SAMD5: variants seen among roughly 807,000 people sequenced by gnomAD.
SAMD5 encodes sterile alpha motif domain containing 5.
Under a neutral mutation model 11.3 loss-of-function variants are expected in SAMD5, and 13 were observed. That is an observed-to-expected ratio of 1.15 (90% CI 0.75 to 1.83). The LOEUF (loss-of-function observed/expected upper bound fraction) is 1.83. SAMD5 is among the 40% of genes most tolerant of loss of function. The probability of loss-of-function intolerance (pLI) is 0.00; values close to 1 mark genes in which losing one functional copy is unlikely to be tolerated. For missense variants in SAMD5, 255 were observed against 239.1 expected (o/e 1.07, Z -0.44); for synonymous variants, 129 against 111.3 (o/e 1.16, Z -1.00).
chr6:147,567,581 A>G lies in SAMD5; in HGVS notation c.*3125A>G, dbSNP rs972977238. On this transcript the variant is annotated 3_prime_UTR_variant, in exon 2 of 2. Transcript: ENST00000367474. ...AGCTCTTAAGAGGCTTAAGAGTTCT[A>G]TGGCTTACACCCACATACAGTCCTT... 2.2e-6 allele frequency: 2 copies of G among 929,086 alleles called. No individual in the cohort carries two copies. Among genetic ancestry groups the G allele is most frequent in the African/African-American group, 1.8e-5 (1 of 56,056 alleles). 57.6% of individuals were successfully genotyped at this position (929,086 alleles called of 1,614,324 possible).
chr6:147,693,688 G>A (rs377289392), intron 1 of SAMD5, among the ~76,000 whole-genome samples: 5 of 152,168 alleles, frequency 3.3e-5, no homozygotes, highest in South Asian at 2.1e-4. Context: ...GATTGGGGCC[G>A]GGCGCGGTGG....
At chr6:147,834,751 C>CA in the SAMD5 span, among the ~76,000 whole-genome samples, 6 of 152,204 alleles carry the variant, frequency 3.9e-5, no homozygotes, top group Non-Finnish European at 7.3e-5. Flanking sequence ...TATTTGAACA[C>CA]TTGCACTATC....
chr6:147,725,250 T>C (rs889484337), intron 1 of SAMD5, among the ~76,000 whole-genome samples: 2 of 152,202 alleles, frequency 1.3e-5, no homozygotes, highest in Non-Finnish European at 2.9e-5. Context: ...GAAGGCCCAA[T>C]GCAGACTAGC....
chr6:147,596,535 G>A (rs374952422), intron 1 of SAMD5, among the ~76,000 whole-genome samples: 2 of 152,076 alleles, frequency 1.3e-5, no homozygotes, highest in African/African-American at 2.4e-5. Context: ...CAGAGAAAAT[G>A]GGATTATCAT....
chr6:147,754,636 C>T, the SAMD5 span, among the ~76,000 whole-genome samples: 13 of 152,022 alleles, frequency 8.6e-5, no homozygotes, highest in African/African-American at 3.1e-4. Flanking sequence ...AATCTTTGAC[C>T]AGACCAATGT....
chr6:147,899,357 A>T, the SAMD5 span, among the ~76,000 whole-genome samples: 4 of 152,086 alleles, frequency 2.6e-5, no homozygotes, highest in South Asian at 8.3e-4. Flanking sequence ...GAGAGAAGAT[A>T]ATTGTCAAGG....
the SAMD5 span, among the ~76,000 whole-genome samples, chr6:147,824,666 T>C: frequency 6.6e-6 from 1 of 152,108 alleles, no homozygotes; most frequent in Non-Finnish European, 1.5e-5. Context: ...CTTGATAAAG[T>C]GTTTCTGAAT....
intron 1 of SAMD5, among the ~76,000 whole-genome samples, chr6:147,628,585 A>G (rs1324898475): frequency 6.6e-6 from 1 of 152,248 alleles, no homozygotes; most frequent in Non-Finnish European, 1.5e-5. Context: ...TTATCTTGAT[A>G]TTCTCATAGA....
chr6:147,703,515 T>C (rs1478108117), intron 1 of SAMD5, among the ~76,000 whole-genome samples: 1 of 152,222 alleles, frequency 6.6e-6, no homozygotes, highest in African/African-American at 2.4e-5. Flanking sequence ...ACGAGAACTT[T>C]TATCATGCAA....
intron 1 of SAMD5, among the ~76,000 whole-genome samples, chr6:147,643,796 A>AAGGAAGGAAG (rs1562341154): frequency 1.3e-5 from 1 of 78,234 alleles, no homozygotes; most frequent in Non-Finnish European, 3.2e-5. Flanking sequence ...AAGGAAGGAA[A>AAGGAAGGAAG]GAGAGAGAGA....
chr6:147,907,678 C>T, the SAMD5 span, among the ~76,000 whole-genome samples: 1 of 152,120 alleles, frequency 6.6e-6, no homozygotes, highest in Non-Finnish European at 1.5e-5. Flanking sequence ...GGAATCTTTT[C>T]CTCTCCCTGT....
chr6:147,607,467 G>A (rs189820172), intron 1 of SAMD5, among the ~76,000 whole-genome samples: 141 of 152,184 alleles, frequency 9.3e-4, no homozygotes, highest in African/African-American at 2.9e-3. Flanking sequence ...CATGGTACTG[G>A]CATTAAAAAC....
chr6:147,692,184 T>C (rs1259110480), intron 1 of SAMD5, among the ~76,000 whole-genome samples: 1 of 152,228 alleles, frequency 6.6e-6, no homozygotes, highest in African/African-American at 2.4e-5. Context: ...TCATTGTTCA[T>C]GAAGTTCTCT....
chr6:147,655,690 G>C (rs1391752765), intron 1 of SAMD5, among the ~76,000 whole-genome samples: 2 of 152,134 alleles, frequency 1.3e-5, no homozygotes, highest in Admixed American at 1.3e-4. Flanking sequence ...AGTAAACAGA[G>C]AGGTTGCAAA....
chr6:147,575,141 T>G (rs1235529989), intron 1 of SAMD5, among the ~76,000 whole-genome samples: 3 of 152,226 alleles, frequency 2.0e-5, no homozygotes, highest in African/African-American at 7.2e-5. Context: ...AAATGTAAGG[T>G]AATTCTATAG....
chr6:147,801,508 C>T, the SAMD5 span, among the ~76,000 whole-genome samples: 1 of 152,190 alleles, frequency 6.6e-6, no homozygotes, highest in African/African-American at 2.4e-5. Flanking sequence ...GGGAAGCCTT[C>T]TCCAAAGCCT....
At chr6:147,591,354 C>T (rs1333469687) in intron 1 of SAMD5, among the ~76,000 whole-genome samples, 2 of 152,154 alleles carry the variant, frequency 1.3e-5, no homozygotes. Flanking sequence ...TCCTTGTATC[C>T]CTCACGTGCC....
the SAMD5 span, among the ~76,000 whole-genome samples, chr6:147,781,829 A>G: frequency 1.3e-5 from 2 of 151,172 alleles, no homozygotes; most frequent in East Asian, 1.9e-4. Context: ...AAATAGGGCC[A>G]CCATTTAATA....
chr6:147,936,151 G>A, the SAMD5 span, among the ~76,000 whole-genome samples: 1 of 152,114 alleles, frequency 6.6e-6, no homozygotes. Flanking sequence ...AGGTATGCTA[G>A]GCAGCATTTC....
Sources: allele counts gnomAD v4.1 joint callset (sites outside exome capture counted in the v4.1 genomes callset), GRCh38; gene constraint gnomAD v4.1.1; transcripts MANE v1.5; gene names NCBI Gene and HGNC (gene_info 2026-07-23, HGNC 2026-07-21).